The following ZC3H15 variants were observed in gnomAD, a reference collection of about 807,000 sequenced individuals.
ZC3H15 encodes the protein zinc finger CCCH-type containing 15.
ZC3H15 carries 15 observed loss-of-function variants against 51.2 expected under a neutral mutation model. The observed-to-expected ratio is 0.29, with a 90% confidence interval of 0.20 to 0.45. ZC3H15 has a LOEUF of 0.45. ZC3H15 is among the 20% of genes least tolerant of loss of function. ZC3H15 has a pLI of 1.00. For synonymous variants in ZC3H15, 144 were observed against 162.8 expected, an observed-to-expected ratio of 0.88 and a Z score of 0.88; for missense variants, 381 against 494.7, an observed-to-expected ratio of 0.77 and a Z score of 2.18.
At chr2:186,493,823 C>CTG (rs1685236836) in intron 1 of ZC3H15, among the ~76,000 whole-genome samples, 2 of 150,076 alleles carry the variant, frequency 1.3e-5, no homozygotes, top group Non-Finnish European at 3.0e-5. Context: ...CACTTTGTGC[C>CTG]TGTGTGGTCC....
intron 2 of ZC3H15, among the ~76,000 whole-genome samples, chr2:186,498,373 G>C (rs114535851): frequency 6.6e-6 from 1 of 152,086 alleles, no homozygotes; most frequent in African/African-American, 2.4e-5. Context: ...TATATTTGTC[G>C]AGTAGGGTTA....
At chr2:186,494,641 A>T (rs1393555347) in intron 1 of ZC3H15, among the ~76,000 whole-genome samples, 1 of 152,226 alleles carries the variant, frequency 6.6e-6, no homozygotes, top group South Asian at 2.1e-4. Context: ...CACATCCCAT[A>T]GAACTGATAT....
rs753545666 is a variant in ZC3H15 at position 186,505,452 on chromosome 2, G to A, written c.719G>A (p.Arg240His). The change falls in exon 7 of 10, where the codon CGT becomes CAT. Residue 240 changes from arginine to histidine, a missense_variant and splice_region_variant. Around this residue, in one of 3 missense-constraint regions of ZC3H15, gnomAD observed 215 missense variants for 241.8 expected, o/e 0.89. Coordinates refer to ENST00000337859, the MANE Select transcript of ZC3H15 (RefSeq NM_018471.3). ...ISLEDLIERE[R>H]SALGPNVTKI... is the part of the protein sequence containing the mutation. ...AAAATTAATTCTTTACCATTGCAGC[G>A]TTCTGCCCTAGGTCCAAATGTTACC... 5.2e-6 allele frequency: 8 copies of A among 1,546,346 alleles called. No individual in the cohort carries two copies. The highest frequency in any genetic ancestry group is 2.3e-5 in the East Asian group (1 of 44,400).
chr2:186,489,386 T>A (rs980804908), intron 1 of ZC3H15, among the ~76,000 whole-genome samples: 1 of 152,192 alleles, frequency 6.6e-6, no homozygotes, highest in Admixed American at 6.5e-5. Flanking sequence ...TAAACTTCCC[T>A]AAAAGCCTAG....
intron 5 of ZC3H15, among the ~76,000 whole-genome samples, chr2:186,503,078 T>C (rs913438865): frequency 1.7e-4 from 26 of 152,334 alleles, no homozygotes; most frequent in African/African-American, 5.8e-4. Context: ...TCTTGATGTC[T>C]CAAACTTTGC....
Position 186,486,318 on chromosome 2 carries a change from C to T in ZC3H15, c.-65C>T. 1 of 1,412,388 alleles carries T rather than the reference C, an allele frequency of 7.1e-7. No homozygotes were observed. Among genetic ancestry groups the T allele is most frequent in the Non-Finnish European group, 9.4e-7 (1 of 1,068,226 alleles). The allele number at this position is 1,412,388 out of a possible 1,614,324, so 87.5% of individuals were successfully genotyped here. A position where few individuals can be genotyped will look rare whatever the true frequency, so the allele number is the denominator to read the frequency against. On this transcript the variant is annotated 5_prime_UTR_variant, in exon 1 of 10. Coordinates refer to ENST00000337859, the MANE Select transcript of ZC3H15 (RefSeq NM_018471.3). ...CCCGGTCTTCCTCCTCGTCCTGCCG[C>T]AGGGCCAGAACCCCTGACGGTATTC...
At chr2:186,490,725 G>C (rs561386340) in intron 1 of ZC3H15, among the ~76,000 whole-genome samples, 27 of 152,264 alleles carry the variant, frequency 1.8e-4, no homozygotes, top group African/African-American at 6.3e-4. Context: ...AGGCTGGCCC[G>C]TAAAAGGAAT....
At chr2:186,486,494 C>T in intron 1 of ZC3H15, 37 bp downstream of exon 1, 2 of 1,517,100 alleles carry the variant, frequency 1.3e-6, no homozygotes, top group Non-Finnish European at 1.8e-6. Context: ...CGCCGCGAGC[C>T]CTCCGGAAAG....
intron 9 of ZC3H15, chr2:186,507,480 G>T (rs1048297342): frequency 4.4e-6 from 2 of 456,476 alleles, no homozygotes; most frequent in Non-Finnish European, 8.8e-6. Flanking sequence ...ATCTGGTAAG[G>T]AGGAGAAGTT....
intron 2 of ZC3H15, among the ~76,000 whole-genome samples, chr2:186,496,399 G>A (rs909075294): frequency 1.3e-5 from 2 of 152,124 alleles, no homozygotes; most frequent in Non-Finnish European, 2.9e-5. Context: ...TGTATTTTTT[G>A]TAGAGACGGG....
chr2:186,500,160 T>C, intron 2 of ZC3H15, 22 bp from the exon 3 acceptor site: 1 of 1,578,230 alleles, frequency 6.3e-7, no homozygotes, highest in Non-Finnish European at 8.6e-7. Context: ...AAATTTACAT[T>C]TTAAACCTGG....
chr2:186,499,576 A>C (rs1305117767), intron 2 of ZC3H15: 1 of 456,286 alleles, frequency 2.2e-6, no homozygotes, highest in Admixed American at 2.4e-5. Context: ...TCTTTAAATA[A>C]GCATCTTTGT....
At chr2:186,493,316 G>A (rs1334627814) in intron 1 of ZC3H15, among the ~76,000 whole-genome samples, 1 of 152,092 alleles carries the variant, frequency 6.6e-6, no homozygotes, top group African/African-American at 2.4e-5. Flanking sequence ...TCTGCTTCTG[G>A]AACACTAAGC....
At chr2:186,495,713 A>G (rs6434182) in intron 2 of ZC3H15, among the ~76,000 whole-genome samples, 48,014 of 152,154 alleles carry the variant, frequency 0.32, 8,134 homozygotes, top group East Asian at 0.42. Flanking sequence ...AACAGACTCC[A>G]GATCAAGGGA....
chr2:186,492,572 A>G (rs930884140), intron 1 of ZC3H15, among the ~76,000 whole-genome samples: 7 of 152,328 alleles, frequency 4.6e-5, no homozygotes, highest in Non-Finnish European at 8.8e-5. Flanking sequence ...GAATAAAGAG[A>G]TATTTCCCAA....
chr2:186,494,935 G>T (rs1005057125), intron 1 of ZC3H15, among the ~76,000 whole-genome samples: 8 of 151,780 alleles, frequency 5.3e-5, no homozygotes, highest in Non-Finnish European at 8.8e-5. Context: ...CCTGCACGTT[G>T]TACACATGTA....
At position 186,500,516 on chromosome 2, in the gene ZC3H15, A is replaced by G. The variant is rs1186580546; in HGVS notation, c.289+223A>G. On this transcript the variant is annotated intron_variant, in intron 3 of 9. Coordinates refer to ENST00000337859, the MANE Select transcript of ZC3H15 (RefSeq NM_018471.3). ...AACTGCAGCCATGCACCCCACACTT[A>G]AGGCAAAATTAGTAATTTAATAGAC... is the stretch of plus-strand genomic sequence containing the variant. 3.6e-4 allele frequency: 233 copies of G among 648,334 alleles called. 1 individual carries two copies. The highest frequency in any genetic ancestry group is 2.3e-5 in the Non-Finnish European group (8 of 348,638). 40.2% of individuals were successfully genotyped at this position (648,334 alleles called of 1,614,324 possible). A position where few individuals can be genotyped will look rare whatever the true frequency, so the allele number is the denominator to read the frequency against.
intron 1 of ZC3H15, chr2:186,488,980 G>T: frequency 5.7e-6 from 1 of 175,818 alleles, no homozygotes; most frequent in Admixed American, 5.5e-5. Context: ...ATGTCTTTGA[G>T]GCCATTTCTT....
intron 2 of ZC3H15, among the ~76,000 whole-genome samples, chr2:186,498,321 C>T (rs1232198200): frequency 6.6e-6 from 1 of 152,070 alleles, no homozygotes; most frequent in Non-Finnish European, 1.5e-5. Context: ...TCCATGGAGT[C>T]TGAGCATTTT....
Sources: allele counts gnomAD v4.1 joint callset (sites outside exome capture counted in the v4.1 genomes callset), GRCh38; gene constraint gnomAD v4.1.1; regional missense constraint gnomAD v4.1.1; transcripts MANE v1.5; gene names NCBI Gene and HGNC (gene_info 2026-07-23, HGNC 2026-07-21).